Variants in KSR2 observed in about 807,000 individuals in gnomAD.
KSR2 encodes kinase suppressor of ras 2.
A neutral mutation model predicts 107.8 loss-of-function variants in KSR2; 25 were observed. That is an observed-to-expected ratio of 0.23 (90% CI 0.17 to 0.32). KSR2 has a LOEUF of 0.32. Ranked by LOEUF, KSR2 falls within the 10% of genes least tolerant of loss-of-function variation. The probability of loss-of-function intolerance (pLI) is 1.00; values close to 1 mark genes in which losing one functional copy is unlikely to be tolerated. For missense variants in KSR2, 887 were observed against 1,268.9 expected (o/e 0.70, Z 4.57); for synonymous variants, 480 against 507.0 (o/e 0.95, Z 0.71).
At chr12:117,866,071 C>T (rs1328980949) in intron 1 of KSR2, among the ~76,000 whole-genome samples, 1 of 139,838 alleles carries the variant, frequency 7.2e-6, no homozygotes, top group African/African-American at 2.8e-5. Context: ...AATTCTCACT[C>T]TGTCGCCCAG....
intron 4 of KSR2, among the ~76,000 whole-genome samples, chr12:117,690,989 G>A (rs183521370): frequency 1.3e-5 from 2 of 152,328 alleles, no homozygotes; most frequent in East Asian, 1.9e-4. Flanking sequence ...GCAATGCAGT[G>A]TTTTCCGATC....
At chr12:117,565,778 T>A (rs1191133054) in intron 7 of KSR2, among the ~76,000 whole-genome samples, 2 of 152,214 alleles carry the variant, frequency 1.3e-5, no homozygotes, top group Non-Finnish European at 2.9e-5. Context: ...AAAACAGAAG[T>A]GATAAATCCT....
At chr12:117,664,979 C>T (rs952015923) in intron 5 of KSR2, among the ~76,000 whole-genome samples, 24 of 152,134 alleles carry the variant, frequency 1.6e-4, no homozygotes, top group African/African-American at 2.4e-4. Flanking sequence ...ACCTGCCTGC[C>T]CCACACCAGG....
At chr12:117,539,927 G>C (rs762720306) in intron 9 of KSR2, 40 bp from the exon 10 acceptor site, 2 of 1,552,830 alleles carry the variant, frequency 1.3e-6, no homozygotes, top group Non-Finnish European at 8.7e-7. Context: ...GGACAGGCAG[G>C]GAAGCAGAAA....
chr12:117,587,294 T>C (rs776214455), intron 5 of KSR2, among the ~76,000 whole-genome samples: 1 of 152,124 alleles, frequency 6.6e-6, no homozygotes, highest in Non-Finnish European at 1.5e-5. Flanking sequence ...GTGGAACTAA[T>C]GTCACCATAG....
chr12:117,883,121 G>A (rs552977582), intron 1 of KSR2, among the ~76,000 whole-genome samples: 1 of 152,110 alleles, frequency 6.6e-6, no homozygotes, highest in South Asian at 2.1e-4. Context: ...CTATCCATCT[G>A]TCAAATAAAA....
chr12:117,907,286 G>A lies in KSR2; in HGVS notation c.181-46855C>T, dbSNP rs139161193. Among the ~76,000 whole-genome samples, 2 of 152,258 alleles carry A rather than the reference G, an allele frequency of 1.3e-5. No individual in the cohort carries two copies. The highest frequency in any genetic ancestry group is 4.8e-5 in the African/African-American group (2 of 41,544). On this transcript the variant is annotated intron_variant, in intron 1 of 19. Transcript: ENST00000339824. The surrounding 1 kb of genome is among the most constrained non-coding windows in gnomAD (Gnocchi z 4.3). ...ACCAAACTGCCTTCGTTCTGGATGG[G>A]GGCGTCCTGACATGCTGACGCCACA...
chr12:117,562,294 G>A (rs935428468), intron 7 of KSR2, among the ~76,000 whole-genome samples: 6 of 152,168 alleles, frequency 3.9e-5, no homozygotes, highest in Admixed American at 1.3e-4. Flanking sequence ...CAAAAGCTAA[G>A]GCAAAGGGTC....
chr12:117,764,525 TG>T (rs1220502341), intron 3 of KSR2, among the ~76,000 whole-genome samples: 1 of 152,120 alleles, frequency 6.6e-6, no homozygotes, highest in Non-Finnish European at 1.5e-5. Flanking sequence ...GAAAGAGAAC[TG>T]GGGCCTCCAT....
intron 9 of KSR2, among the ~76,000 whole-genome samples, chr12:117,542,993 T>C (rs906094569): frequency 6.6e-6 from 1 of 152,220 alleles, no homozygotes; most frequent in Non-Finnish European, 1.5e-5. Flanking sequence ...CTCTATGATA[T>C]GGATGTACTA....
intron 3 of KSR2, among the ~76,000 whole-genome samples, chr12:117,767,257 CAAAA>C (rs1203613217): frequency 2.5e-5 from 3 of 120,006 alleles, no homozygotes; most frequent in Non-Finnish European, 1.7e-5. Context: ...ACTAAAAATC[CAAAA>C]AAAAAAAAAA....
At chr12:117,558,992 A>G (rs1204490249) in intron 7 of KSR2, among the ~76,000 whole-genome samples, 1 of 151,664 alleles carries the variant, frequency 6.6e-6, no homozygotes, top group Non-Finnish European at 1.5e-5. Context: ...TGATGTGTGG[A>G]TAGATGAGGA....
intron 3 of KSR2, among the ~76,000 whole-genome samples, chr12:117,788,178 G>A (rs936689059): frequency 6.6e-6 from 1 of 152,310 alleles, no homozygotes; most frequent in Middle Eastern, 3.4e-3. Flanking sequence ...TTAGCTTACT[G>A]TAAGGCAAAT....
At chr12:117,938,434 G>A (rs1382985009) in intron 1 of KSR2, among the ~76,000 whole-genome samples, 1 of 151,898 alleles carries the variant, frequency 6.6e-6, no homozygotes, top group African/African-American at 2.4e-5. Context: ...TGGGAGGATC[G>A]CTTGAGTCCA....
chr12:117,669,864 T>G (rs1023682514), intron 4 of KSR2, among the ~76,000 whole-genome samples: 3 of 151,980 alleles, frequency 2.0e-5, no homozygotes, highest in Non-Finnish European at 4.4e-5. Flanking sequence ...TGAGACCCTG[T>G]CTCTAAAATA....
At chr12:117,898,840 T>C (rs1894595725) in intron 1 of KSR2, among the ~76,000 whole-genome samples, 1 of 152,070 alleles carries the variant, frequency 6.6e-6, no homozygotes, top group African/African-American at 2.4e-5. Flanking sequence ...AAGACAAACA[T>C]CACATGTTCT....
At chr12:117,557,919 CCTTTCCTTCTGT>C (rs1877820565) in intron 8 of KSR2, among the ~76,000 whole-genome samples, 1 of 152,128 alleles carries the variant, frequency 6.6e-6, no homozygotes, top group Admixed American at 6.5e-5. Flanking sequence ...CAGGAAAAAG[CCTTTCCTTCTGT>C]CTTTCCTTCC....
intron 5 of KSR2, among the ~76,000 whole-genome samples, chr12:117,652,875 T>C (rs1351709420): frequency 5.9e-5 from 9 of 152,170 alleles, no homozygotes; most frequent in Non-Finnish European, 1.3e-4. Flanking sequence ...ACTCATCCTG[T>C]GGTCATTTCC....
intron 3 of KSR2, among the ~76,000 whole-genome samples, chr12:117,793,069 C>T (rs192243378): frequency 0.02 from 2,923 of 148,768 alleles, 53 homozygotes; most frequent in Middle Eastern, 0.084. Context: ...CACACACCAA[C>T]AGGCACACAC....
Sources: gnomAD v4.1 joint callset for allele counts (sites outside exome capture counted in the v4.1 genomes callset) on GRCh38, gnomAD v4.1.1 for gene constraint, Gnocchi (gnomAD v3.1) non-coding constraint, MANE v1.5 for transcripts, NCBI Gene and HGNC (gene_info 2026-07-23, HGNC 2026-07-21) for gene names.